PNCK: variants seen among roughly 807,000 people sequenced by gnomAD.
PNCK encodes calcium/calmodulin-dependent protein kinase type 1B.
Under a neutral mutation model 28.3 loss-of-function variants are expected in PNCK, and 21 were observed. The ratio of observed to expected loss-of-function variants is 0.74; its 90% CI spans 0.53 to 1.07. The LOEUF is 1.07. Among genes scored for constraint, PNCK ranks in the 50% least tolerant of loss-of-function variants. PNCK has a pLI of 0.00. For missense variants in PNCK, 250 were observed against 298.3 expected, an observed-to-expected ratio of 0.84 and a Z score of 1.19; for synonymous variants, 136 against 125.2, an observed-to-expected ratio of 1.09 and a Z score of -0.58.
In PNCK at chrX:153,669,966, G is replaced by T; in HGVS notation, c.*172C>A. ...TGCCCCCAGGCAGGGCAGAGCCTGG[G>T]GACAGACTTGGGGGTGCCCCATTCC... On this transcript the variant is annotated 3_prime_UTR_variant, in exon 12 of 12. Transcript: ENST00000340888. The T allele has an allele frequency of 2.4e-5, 8 of 326,662 alleles. No individual in the cohort carries two copies. Among genetic ancestry groups the T allele is most frequent in the South Asian group, 2.2e-4 (8 of 35,947 alleles). 26.9% of individuals were successfully genotyped at this position (326,662 alleles called of 1,213,427 possible). A position where few individuals can be genotyped will look rare whatever the true frequency, so the allele number is the denominator to read the frequency against.
Position 153,672,218 on chromosome X carries a change from C to A in PNCK, c.201-18G>T, listed in dbSNP as rs782223416. On this transcript the variant is annotated intron_variant, in intron 3 of 11. Coordinates refer to ENST00000340888, the MANE Select transcript of PNCK (RefSeq NM_001366977.1). ...GACTGATCCTGCAATGGCAAGGAAG[C>A]GCCTGTGGGCCAACAGAGTCAAGGG... 2 of 1,189,943 alleles carry A rather than the reference C, an allele frequency of 1.7e-6. No individual in the cohort carries two copies. Among genetic ancestry groups the A allele is most frequent in the Non-Finnish European group, 2.3e-6 (2 of 883,956 alleles).
At chrX:153,670,273 T>C (rs1355283879) in intron 11 of PNCK, 143 bp from the exon 12 acceptor site, 2 of 627,871 alleles carry the variant, frequency 3.2e-6, no homozygotes, top group Non-Finnish European at 4.8e-6. Flanking sequence ...AAGCACCCAC[T>C]GGCCCTCCCT....
At position 153,673,130 on chromosome X, in the gene PNCK, C is replaced by T. The variant is rs2091332082; in HGVS notation, c.-2-52G>A. 4 of 1,173,414 alleles carry T rather than the reference C, an allele frequency of 3.4e-6. No individual in the cohort carries two copies. The Admixed American group carries it at 7.0e-5, about 21-fold the overall frequency. On this transcript the variant is annotated intron_variant, in intron 1 of 11. Coordinates refer to ENST00000340888, the MANE Select transcript of PNCK (RefSeq NM_001366977.1). ...GGGTCTCTCCCCGCCCCGCCGGGGG[C>T]AAGGGCAGCTTCCTCCTCCACCCCC... is the stretch of plus-strand genomic sequence containing the variant.
Position 153,670,756 on chromosome X carries a change from C to T in PNCK, c.882G>A (p.Arg294=), listed in dbSNP as rs376968420. ...TCTCCACACTGACCTTCCAGTGTGTCCGAGCAAAGTTCTTCCGGATCTGCT... is the reference window on the plus strand; with the variant it reads ...TCTCCACACTGACCTTCCAGTGTGTTCGAGCAAAGTTCTTCCGGATCTGCT... The part of the protein sequence containing the change: ...VSEQIRKNFA[R]THWKRAFNAT... Residue 294 remains arginine (R), a synonymous_variant, in exon 10 of 12, where the codon CGG becomes CGA. Transcript: ENST00000340888. The T allele has an allele frequency of 2.6e-5, 32 of 1,207,966 alleles. No homozygotes were observed. Among genetic ancestry groups the T allele is most frequent in the Non-Finnish European group, 3.6e-5 (32 of 893,465 alleles).
upstream of PNCK, among the ~76,000 whole-genome samples, chrX:153,675,745 C>T (rs1249604327): frequency 9.0e-6 from 1 of 110,513 alleles, no homozygotes; most frequent in African/African-American, 3.3e-5. Flanking sequence ...AGGCTGGTCT[C>T]GAACTCCTGA....
At chrX:153,676,077 T>G (rs1557041525), upstream of PNCK, among the ~76,000 whole-genome samples, 3 of 107,540 alleles carry the variant, frequency 2.8e-5, no homozygotes, top group Non-Finnish European at 5.8e-5. Context: ...AATCATAAGT[T>G]TAGAAATAAT....
chrX:153,674,066 G>C (rs1557041110), upstream of PNCK: 1 of 1,207,946 alleles, frequency 8.3e-7, no homozygotes, highest in East Asian at 3.0e-5. Flanking sequence ...GCTGTCTCCC[G>C]GAGAGCTCTT....
intron 1 of PNCK, chrX:153,686,818 C>T (rs1394780576): frequency 8.9e-6 from 1 of 112,764 alleles, no homozygotes; most frequent in Non-Finnish European, 1.9e-5. Flanking sequence ...TCCTCCAAGC[C>T]TGGGTGGGGA....
intron 5 of PNCK, 51 bp from the exon 6 acceptor site, chrX:153,671,723 C>T (rs782491779): frequency 3.2e-5 from 37 of 1,165,222 alleles, no homozygotes; most frequent in South Asian, 1.2e-4. Context: ...GACGCGGTGC[C>T]GGTGCTGGGA....
Position 153,670,511 on chromosome X carries a change from G to A in PNCK, c.978C>T (p.Gly326=), listed in dbSNP as rs2091280857. ...GGCCTGAGTGGCTGTGGCGGGCCATGCCCTGCTCAGAGGCCCCCTCGCCCT... is the reference window on the plus strand; with the variant it reads ...GGCCTGAGTGGCTGTGGCGGGCCATACCCTGCTCAGAGGCCCCCTCGCCCT... ...IPEGEGASEQ[G]MARHSHSGLR... Residue 326 remains glycine, a synonymous_variant, in exon 11 of 12, where the codon GGC becomes GGT. Coordinates refer to ENST00000340888, the MANE Select transcript of PNCK (RefSeq NM_001366977.1). The A allele has an allele frequency of 5.8e-6, 7 of 1,209,846 alleles. No homozygotes were observed. Among genetic ancestry groups the A allele is most frequent in the South Asian group, 1.8e-5 (1 of 56,663 alleles).
chrX:153,673,783 G>C lies in PNCK; in HGVS notation c.-6C>G. 2.7e-6 allele frequency: 2 copies of C among 749,450 alleles called. No individual in the cohort carries two copies. The highest frequency in any genetic ancestry group is 3.1e-6 in the Non-Finnish European group (2 of 636,646). 61.8% of individuals were successfully genotyped at this position (749,450 alleles called of 1,213,427 possible). On this transcript the variant is annotated 5_prime_UTR_variant, in exon 1 of 12. Coordinates refer to ENST00000340888, the MANE Select transcript of PNCK (RefSeq NM_001366977.1). ...GCGCCCCGGAGCAGGTGCAGACCTG[G>C]AGCGGGTGCCGCAGCGTCGTGCCGC...
intron 1 of PNCK, among the ~76,000 whole-genome samples, chrX:153,684,166 T>C (rs915460330): frequency 4.5e-5 from 5 of 111,997 alleles, no homozygotes; most frequent in Admixed American, 2.8e-4. Flanking sequence ...CCAAAAACAG[T>C]TTGGAGGGTA....
At position 153,670,923 on chromosome X, in the gene PNCK, G is replaced by A. The variant is rs782454132; in HGVS notation, c.801C>T (p.His267=). The change falls in exon 9 of 12, where the codon CAC becomes CAT. Residue 267 remains histidine, a synonymous_variant. Coordinates refer to ENST00000340888, the MANE Select transcript of PNCK (RefSeq NM_001366977.1). ...KRFTCQQALR[H]LWISGDTAFD... ...TCAGCAGGGCTCCCACTCACCAAAG[G>A]TGCCGCAAGGCCTGTTGGCAGGTGA... is the stretch of plus-strand genomic sequence containing the variant. 2 of 1,212,155 alleles carry A rather than the reference G, an allele frequency of 1.6e-6. No homozygotes were observed. The highest frequency in any genetic ancestry group is 3.0e-5 in the East Asian group (1 of 33,837).
At chrX:153,686,490 T>C (rs2091420588) in intron 1 of PNCK, 1 of 111,998 alleles carries the variant, frequency 8.9e-6, no homozygotes, top group African/African-American at 3.3e-5. Context: ...GCTGAGGCCC[T>C]CCGAGCCTAC....
At chrX:153,679,386 C>T (rs1056417219), upstream of PNCK, among the ~76,000 whole-genome samples, 2 of 107,607 alleles carry the variant, frequency 1.9e-5, no homozygotes, top group Admixed American at 1.0e-4. Context: ...AGGTATGCAG[C>T]GGTATCTCCT....
chrX:153,681,192 T>C (rs1246763902), intron 1 of PNCK, among the ~76,000 whole-genome samples: 1 of 111,933 alleles, frequency 8.9e-6, no homozygotes, highest in Non-Finnish European at 1.9e-5. Context: ...AAATAAATGA[T>C]TACATAAATA....
chrX:153,671,158 C>T lies in PNCK; in HGVS notation c.647G>A (p.Ser216Asn). 1.7e-6 allele frequency: 2 copies of T among 1,211,781 alleles called. No individual in the cohort carries two copies. The highest frequency in any genetic ancestry group is 2.2e-6 in the Non-Finnish European group (2 of 895,536). Residue 216 changes from serine (S) to asparagine (N), a missense_variant, in exon 8 of 12, where the codon AGC (serine) becomes AAC (asparagine). By Grantham distance (46) the Ser-to-Asn change is conservative. Coordinates refer to ENST00000340888, the MANE Select transcript of PNCK (RefSeq NM_001366977.1). ...LCGYPPFYDE[S>N]DPELFSQILR... is the part of the protein sequence containing the mutation. ...GATCTGGCTGAAGAGCTCAGGGTCG[C>T]TCTCGTCGTAGAAGGGGGGGTACCC...
chrX:153,678,040 C>T (rs782260565), upstream of PNCK, among the ~76,000 whole-genome samples: 5 of 109,104 alleles, frequency 4.6e-5, no homozygotes, highest in Non-Finnish European at 7.6e-5. Context: ...TACACACGCG[C>T]ATCAGTATCT....
chrX:153,674,177 C>T (rs782326814), upstream of PNCK: 3 of 1,203,276 alleles, frequency 2.5e-6, no homozygotes, highest in South Asian at 5.4e-5. Context: ...AGCCTCCATG[C>T]CTAGCTCCAG....
Sources: gnomAD v4.1 joint callset for allele counts (sites outside exome capture counted in the v4.1 genomes callset) on GRCh38, gnomAD v4.1.1 for gene constraint, MANE v1.5 for transcripts, NCBI Gene and HGNC (gene_info 2026-07-23, HGNC 2026-07-21) for gene names.